NBPF9: variants seen among roughly 807,000 people sequenced by gnomAD.
NBPF9 encodes NBPF member 9.
In NBPF9, 91 loss-of-function variants were observed where a neutral mutation model predicts 97.8. That is an observed-to-expected ratio of 0.93 (90% CI 0.79 to 1.11). The LOEUF (loss-of-function observed/expected upper bound fraction) is 1.11, where lower values mean the gene tolerates loss of function less well. NBPF9 is among the 50% of genes least tolerant of loss of function. NBPF9 has a pLI of 0.00. For synonymous variants in NBPF9, 334 were observed against 359.5 expected (o/e 0.93, Z 0.80); for missense variants, 992 against 939.5 (o/e 1.06, Z -0.73).
rs587687965 is a variant in NBPF9, at chr1:149,098,497, C to T, written c.-396G>A. On this transcript the variant is annotated 5_prime_UTR_variant, in exon 4 of 30. Transcript: ENST00000584027. ...CCGTGTGAGGTTGCTCTTGGTGCAC[C>T]GAATGGGGAAGTTTCTACATCAGTA... 3.7e-4 allele frequency: 556 copies of T among 1,523,176 alleles called. 3 individuals carry two copies. In the South Asian group the frequency reaches 6.3e-3, roughly 17 times the overall value. The allele number at this position is 1,523,176 out of a possible 1,614,324, so 94.4% of individuals were successfully genotyped here.
chr1:149,078,866 A>C (rs2080140956), intron 9 of NBPF9, 141 bp downstream of exon 9: 1 of 1,465,784 alleles, frequency 6.8e-7, no homozygotes, highest in African/African-American at 1.4e-5. Flanking sequence ...GTTCTTACCC[A>C]GGAAGTCCTG....
chr1:149,102,034 T>G (rs1469639076), intron 2 of NBPF9, among the ~76,000 whole-genome samples: 2 of 109,098 alleles, frequency 1.8e-5, no homozygotes, highest in African/African-American at 7.3e-5. Context: ...GCTCTGGTGA[T>G]CCTCCCACCT....
chr1:149,058,871 C>T (rs1329754127), intron 26 of NBPF9, 54 bp downstream of exon 26: 1 of 680,740 alleles, frequency 1.5e-6, no homozygotes, highest in Admixed American at 2.1e-5. Context: ...AGGAATATCA[C>T]CCCTATCTGG....
chr1:149,090,531 G>A (rs2081348262), intron 5 of NBPF9: 1 of 451,860 alleles, frequency 2.2e-6, no homozygotes, highest in South Asian at 2.8e-5. Context: ...ACCTTAAGAT[G>A]CATTAAATTT....
chr1:149,076,554 G>A (rs1553654406), intron 11 of NBPF9, among the ~76,000 whole-genome samples: 2 of 149,258 alleles, frequency 1.3e-5, no homozygotes, highest in African/African-American at 4.9e-5. Flanking sequence ...CCAGGCTGGA[G>A]TGCAGTGGCA....
chr1:149,085,166 C>T (rs1437380279), intron 5 of NBPF9, among the ~76,000 whole-genome samples: 3 of 152,162 alleles, frequency 2.0e-5, no homozygotes, highest in African/African-American at 7.2e-5. Flanking sequence ...GATAGATGGA[C>T]AGACACCTTC....
rs1255236669 is a variant in NBPF9, at chr1:149,074,566, G to T, written c.989-696C>A. Reference sequence around the variant, plus strand: ...TAATTCACTGCAGCAATTTACAGAGGTAGGTATTATTGTAGTACCCTCTGA... The same window carrying T: ...TAATTCACTGCAGCAATTTACAGAGTTAGGTATTATTGTAGTACCCTCTGA... On this transcript the variant is annotated intron_variant, in intron 12 of 29. Coordinates refer to ENST00000584027, the Ensembl canonical transcript of NBPF9. Among the ~76,000 whole-genome samples the T allele has an allele frequency of 1.4e-3, 218 of 151,432 alleles. 2 individuals are homozygous for T. Among genetic ancestry groups the T allele is most frequent in the African/African-American group, 5.0e-3 (205 of 41,348 alleles).
At chr1:149,076,933 T>C (rs587672869) in intron 11 of NBPF9, among the ~76,000 whole-genome samples, 1 of 151,448 alleles carries the variant, frequency 6.6e-6, no homozygotes, top group South Asian at 2.1e-4. Context: ...CAGTTGGGAC[T>C]ATAGGCATGC....
downstream of NBPF9, among the ~76,000 whole-genome samples, chr1:149,052,368 G>C (rs2077962460): frequency 6.6e-6 from 1 of 151,358 alleles, no homozygotes; most frequent in Admixed American, 6.6e-5. Context: ...ATAGTTACTT[G>C]TACTTGTCAC....
chr1:149,055,644 A>C (rs782661919), exon 30 of NBPF9: 33 of 1,611,662 alleles, frequency 2.0e-5, no homozygotes, highest in Non-Finnish European at 2.6e-5. Flanking sequence ...CTCTCGGCTT[A>C]GTAAGGGCTG....
exon 30 of NBPF9, chr1:149,055,898 G>T: frequency 6.2e-7 from 1 of 1,611,652 alleles, no homozygotes. Context: ...ACGCCGTTGA[G>T]CCTGGAAAAG....
rs587741058 is a variant in NBPF9, at chr1:149,068,069, C to A, written c.1637+1525G>T. Among the ~76,000 whole-genome samples the A allele has an allele frequency of 6.1e-4, 90 of 146,860 alleles. 8 individuals carry two copies. The highest frequency in any genetic ancestry group is 2.3e-3 in the African/African-American group (88 of 38,678). On this transcript the variant is annotated intron_variant, in intron 17 of 29. Coordinates refer to ENST00000584027, the Ensembl canonical transcript of NBPF9. ...GAGAAATAAATCCTTTACAGAGAAG[C>A]AAATGCTGACAGATTTTGTCACCAC... is the stretch of plus-strand genomic sequence containing the variant.
chr1:149,073,039 C>T (rs1553653355), intron 13 of NBPF9, 107 bp from the exon 14 acceptor site: 3 of 1,154,020 alleles, frequency 2.6e-6, no homozygotes, highest in African/African-American at 3.0e-5. Flanking sequence ...GACCTCGAAG[C>T]AGAAGGTCAG....
chr1:149,082,243 T>A (rs2080535179), intron 6 of NBPF9, 29 bp downstream of exon 6: 3 of 1,297,672 alleles, frequency 2.3e-6, no homozygotes, highest in Admixed American at 1.7e-5. Context: ...TAATCAGGAC[T>A]GAGGGATGTC....
At chr1:149,099,304 C>T (rs2081992486) in intron 3 of NBPF9, among the ~76,000 whole-genome samples, 1 of 152,212 alleles carries the variant, frequency 6.6e-6, no homozygotes, top group African/African-American at 2.4e-5. Flanking sequence ...AAAATCTTAG[C>T]AGCAACACAT....
chr1:149,058,798 A>T, intron 26 of NBPF9, 127 bp downstream of exon 26: 2 of 681,332 alleles, frequency 2.9e-6, no homozygotes, highest in African/African-American at 1.9e-5. Flanking sequence ...TACAACCTAT[A>T]TGCGCCCATA....
chr1:149,072,907 G>T, exon 14 of NBPF9: 2 of 1,607,320 alleles, frequency 1.2e-6, no homozygotes. Context: ...TCTCGTTCCT[G>T]AGCGTGAACC....
At chr1:149,082,967 T>C (rs1186099068) in intron 5 of NBPF9, among the ~76,000 whole-genome samples, 7 of 125,476 alleles carry the variant, frequency 5.6e-5, no homozygotes, top group African/African-American at 8.9e-5. Context: ...CTTTTTTTTT[T>C]TTTTTTTTTT....
intron 9 of NBPF9, 101 bp downstream of exon 9, chr1:149,078,906 A>T: frequency 6.3e-7 from 1 of 1,584,688 alleles, no homozygotes; most frequent in Non-Finnish European, 8.7e-7. Context: ...TGTGTAGCAG[A>T]AAAAAACCCC....
Sources: gnomAD v4.1 joint callset for allele counts (sites outside exome capture counted in the v4.1 genomes callset) on GRCh38, gnomAD v4.1.1 for gene constraint, MANE v1.5 for transcripts, NCBI Gene and HGNC (gene_info 2026-07-23, HGNC 2026-07-21) for gene names.